CDH18: variants seen among roughly 807,000 people sequenced by gnomAD.
The protein encoded by CDH18 is cadherin 18, also known as cadherin-18.
A neutral mutation model predicts 67.9 loss-of-function variants in CDH18; 31 were observed. The observed-to-expected ratio is 0.46, with a 90% CI of 0.34 to 0.62. CDH18 has a LOEUF of 0.62. Ranked by LOEUF, CDH18 falls within the 20% of genes least tolerant of loss-of-function variation. CDH18 has a pLI of 0.01. For synonymous variants in CDH18, 362 were observed against 347.2 expected (o/e 1.04, Z -0.48); for missense variants, 890 against 975.5 (o/e 0.91, Z 1.17).
At chr5:19,534,289 T>A (rs1219011962) in intron 9 of CDH18, among the ~76,000 whole-genome samples, 1 of 150,004 alleles carries the variant, frequency 6.7e-6, no homozygotes, top group African/African-American at 2.4e-5. Flanking sequence ...GAAAGGAGAT[T>A]AATACATTAA....
intron 2 of CDH18, among the ~76,000 whole-genome samples, chr5:20,236,906 A>G (rs1226444360): frequency 1.3e-5 from 2 of 152,028 alleles, no homozygotes; most frequent in African/African-American, 4.8e-5. Flanking sequence ...ATCAAATATA[A>G]CAGTTTCAAA....
chr5:19,997,063 T>A (rs550229483), intron 2 of CDH18, among the ~76,000 whole-genome samples: 23 of 152,168 alleles, frequency 1.5e-4, no homozygotes, highest in Admixed American at 3.9e-4. Flanking sequence ...AAGGATAATG[T>A]CCCTTATATA....
intron 1 of CDH18, among the ~76,000 whole-genome samples, chr5:20,267,578 C>T (rs1259304433): frequency 6.6e-6 from 1 of 152,042 alleles, no homozygotes; most frequent in African/African-American, 2.4e-5. Flanking sequence ...ATTTCTCTCA[C>T]AGGTATTTTG....
intron 1 of CDH18, among the ~76,000 whole-genome samples, chr5:20,487,297 A>C (rs73764422): frequency 6.6e-6 from 1 of 151,378 alleles, no homozygotes; most frequent in African/African-American, 2.4e-5. Flanking sequence ...TCATCTAAAA[A>C]TGTTTTATCC....
intron 2 of CDH18, among the ~76,000 whole-genome samples, chr5:20,125,323 AGT>A (rs554851678): frequency 6.6e-6 from 1 of 151,394 alleles, no homozygotes; most frequent in African/African-American, 2.4e-5. Flanking sequence ...TGTGTGGATG[AGT>A]GTGTGTGTGT....
intron 1 of CDH18, among the ~76,000 whole-genome samples, chr5:20,544,050 G>A (rs1002674979): frequency 2.6e-5 from 4 of 152,036 alleles, no homozygotes; most frequent in African/African-American, 7.2e-5. Flanking sequence ...ATTAATACTT[G>A]ATTCTGAATG....
intron 11 of CDH18, among the ~76,000 whole-genome samples, chr5:19,494,902 A>C (rs17216563): frequency 0.024 from 3,714 of 152,282 alleles, 72 homozygotes; most frequent in Non-Finnish European, 0.038. Context: ...ATGAGTTGGA[A>C]ATCGATTCTT....
intron 2 of CDH18, among the ~76,000 whole-genome samples, chr5:19,937,624 CAAA>C (rs1159578986): frequency 2.0e-5 from 3 of 151,152 alleles, no homozygotes; most frequent in Non-Finnish European, 1.5e-5. Flanking sequence ...TGTACAATTT[CAAA>C]GAAAGTATAA....
chr5:19,708,386 C>T (rs144000236), intron 5 of CDH18, among the ~76,000 whole-genome samples: 257 of 152,118 alleles, frequency 1.7e-3, no homozygotes, highest in African/African-American at 6.1e-3. Context: ...AGATGTGGAT[C>T]GTGATTCCTG....
At chr5:19,655,537 T>G (rs2150288975) in intron 5 of CDH18, among the ~76,000 whole-genome samples, 1 of 152,214 alleles carries the variant, frequency 6.6e-6, no homozygotes, top group Admixed American at 6.5e-5. Context: ...TTTATTAATA[T>G]ATTTGGAAAT....
chr5:20,376,149 G>A lies in CDH18; in HGVS notation c.-579-120644C>T, dbSNP rs1340734389. Among the ~76,000 whole-genome samples, 7 of 114,032 alleles carry A rather than the reference G, an allele frequency of 6.1e-5. No homozygotes were observed. The East Asian group carries it at 1.1e-3, about 18-fold the overall frequency. 74.8% of individuals were successfully genotyped at this position (114,032 alleles called of 152,430 possible). A position where few individuals can be genotyped will look rare whatever the true frequency, so the allele number is the denominator to read the frequency against. On this transcript the variant is annotated intron_variant, in intron 1 of 14. Transcript: ENST00000507958. The stretch of plus-strand genomic sequence containing the variant: ...CCCTCTGTCACCCAGGCTGGAGTGC[G>A]GTGGCGCGATCTCGGCTCACTGCAG...
chr5:20,574,461 G>T (rs1013738862), intron 1 of CDH18, among the ~76,000 whole-genome samples: 1 of 151,894 alleles, frequency 6.6e-6, no homozygotes, highest in African/African-American at 2.4e-5. Context: ...AATTCTCGGG[G>T]TAAAATATCT....
intron 2 of CDH18, among the ~76,000 whole-genome samples, chr5:20,018,259 T>G (rs1202349409): frequency 1.3e-5 from 2 of 152,186 alleles, no homozygotes; most frequent in Non-Finnish European, 2.9e-5. Flanking sequence ...ACACCCTTTT[T>G]CTATGGTCTG....
At chr5:20,354,474 G>A (rs1004590300) in intron 1 of CDH18, among the ~76,000 whole-genome samples, 4 of 152,064 alleles carry the variant, frequency 2.6e-5, no homozygotes, top group Non-Finnish European at 4.4e-5. Flanking sequence ...CAGTACAGTG[G>A]AGCAGTCTTC....
intron 8 of CDH18, among the ~76,000 whole-genome samples, chr5:19,553,667 G>T (rs560586325): frequency 1.4e-4 from 20 of 143,784 alleles, no homozygotes; most frequent in African/African-American, 4.9e-4. Context: ...GAGACACAGG[G>T]TATTGCTCTG....
chr5:20,294,281 T>A (rs1419600620), intron 1 of CDH18, among the ~76,000 whole-genome samples: 1 of 152,214 alleles, frequency 6.6e-6, no homozygotes, highest in African/African-American at 2.4e-5. Context: ...CATTATCAAA[T>A]ATTTTTTCCA....
intron 5 of CDH18, among the ~76,000 whole-genome samples, chr5:19,644,911 A>C (rs1260489372): frequency 1.3e-5 from 2 of 152,218 alleles, no homozygotes; most frequent in Non-Finnish European, 2.9e-5. Context: ...TACTGGCTAA[A>C]GGTGCATTCC....
At chr5:20,017,217 A>G (rs538557914) in intron 2 of CDH18, among the ~76,000 whole-genome samples, 1 of 152,150 alleles carries the variant, frequency 6.6e-6, no homozygotes, top group African/African-American at 2.4e-5. Flanking sequence ...TCCCTTGGAA[A>G]GTTGGCTTTG....
chr5:19,729,313 GA>G (rs1767283580), intron 4 of CDH18, among the ~76,000 whole-genome samples: 1 of 152,148 alleles, frequency 6.6e-6, no homozygotes, highest in Non-Finnish European at 1.5e-5. Flanking sequence ...AATCTATTGA[GA>G]AAATGACATT....
Sources: gnomAD v4.1 joint callset for allele counts (sites outside exome capture counted in the v4.1 genomes callset) on GRCh38, gnomAD v4.1.1 for gene constraint, MANE v1.5 for transcripts, NCBI Gene and HGNC (gene_info 2026-07-23, HGNC 2026-07-21) for gene names.